The following LUZP2 variants were observed in gnomAD, a reference collection of about 807,000 sequenced individuals.
LUZP2 encodes leucine zipper protein 2.
In LUZP2, 52 loss-of-function variants were observed where a neutral mutation model predicts 51.6. The observed-to-expected ratio is 1.01, with a 90% CI of 0.81 to 1.27. LUZP2 has a LOEUF of 1.27. LUZP2 is among the 50% of genes most tolerant of loss of function. LUZP2 has a pLI of 0.00. For synonymous variants in LUZP2, 154 were observed against 137.3 expected, an observed-to-expected ratio of 1.12 and a Z score of -0.85; for missense variants, 436 against 395.4, an observed-to-expected ratio of 1.10 and a Z score of -0.87.
chr11:24,757,193 G>A (rs1467289169), intron 4 of LUZP2, among the ~76,000 whole-genome samples: 4 of 151,984 alleles, frequency 2.6e-5, no homozygotes, highest in Admixed American at 6.6e-5. Flanking sequence ...AGAAATCACC[G>A]ACAAACTGCC....
chr11:24,801,598 C>T (rs1448085144), intron 5 of LUZP2, among the ~76,000 whole-genome samples: 4 of 151,576 alleles, frequency 2.6e-5, no homozygotes, highest in Non-Finnish European at 5.9e-5. Context: ...ATCACAACTC[C>T]ATATTGCTTC....
chr11:24,755,909 C>A (rs1277334454), intron 4 of LUZP2, among the ~76,000 whole-genome samples: 1 of 152,076 alleles, frequency 6.6e-6, no homozygotes, highest in Non-Finnish European at 1.5e-5. Flanking sequence ...ATTAATGTAA[C>A]TCAATCTTTC....
chr11:25,024,692 A>C (rs1477994924), intron 9 of LUZP2, among the ~76,000 whole-genome samples: 2 of 152,254 alleles, frequency 1.3e-5, no homozygotes, highest in South Asian at 2.1e-4. Context: ...GATAGGAAGA[A>C]TCAATATTGC....
chr11:24,737,249 C>A (rs1858977220), intron 3 of LUZP2, among the ~76,000 whole-genome samples: 1 of 152,012 alleles, frequency 6.6e-6, no homozygotes, highest in Non-Finnish European at 1.5e-5. Context: ...TACCATTGTG[C>A]CCTTGTTTTT....
intron 1 of LUZP2, among the ~76,000 whole-genome samples, chr11:24,537,980 T>TA (rs1356565901): frequency 1.3e-5 from 2 of 150,766 alleles, no homozygotes; most frequent in East Asian, 3.9e-4. Flanking sequence ...TTAAGACTAA[T>TA]TACTTATAAT....
intron 9 of LUZP2, among the ~76,000 whole-genome samples, chr11:25,001,317 C>T (rs1856675446): frequency 6.6e-6 from 1 of 152,220 alleles, no homozygotes. Flanking sequence ...TTTCCTAACT[C>T]TGCTTTAGGA....
At chr11:24,936,819 A>G (rs1258994164) in intron 7 of LUZP2, among the ~76,000 whole-genome samples, 1 of 152,124 alleles carries the variant, frequency 6.6e-6, no homozygotes, top group Admixed American at 6.5e-5. Context: ...ACCAACACAT[A>G]TTTTTAATTT....
intron 1 of LUZP2, among the ~76,000 whole-genome samples, chr11:24,519,486 G>T (rs1850575540): frequency 6.6e-6 from 1 of 152,142 alleles, no homozygotes; most frequent in Admixed American, 6.5e-5. Context: ...AACAATTGAA[G>T]AAAATAAGTA....
Position 24,998,920 on chromosome 11 carries a change from G to A in LUZP2, c.765+15627G>A, listed in dbSNP as rs138549257. On this transcript the variant is annotated intron_variant, in intron 9 of 11. Transcript: ENST00000336930. Reference sequence around the variant, plus strand: ...TAAATTTTAAAACTATTTTAAAATAGTTTAAAATTTTAAAACTGTTTTTGT... The same window carrying A: ...TAAATTTTAAAACTATTTTAAAATAATTTAAAATTTTAAAACTGTTTTTGT... Among the ~76,000 whole-genome samples the A allele has an allele frequency of 2.0e-3, 311 of 152,072 alleles. 2 individuals carry two copies. Among genetic ancestry groups the A allele is most frequent in the African/African-American group, 6.8e-3 (281 of 41,504 alleles).
At chr11:24,712,691 A>T (rs1454466005) in intron 1 of LUZP2, among the ~76,000 whole-genome samples, 1 of 152,216 alleles carries the variant, frequency 6.6e-6, no homozygotes, top group Non-Finnish European at 1.5e-5. Flanking sequence ...GGCCATGGAC[A>T]GATTACCATA....
At chr11:24,935,019 C>A (rs1854550172) in intron 7 of LUZP2, among the ~76,000 whole-genome samples, 1 of 152,122 alleles carries the variant, frequency 6.6e-6, no homozygotes, top group Non-Finnish European at 1.5e-5. Context: ...TATATGTAAG[C>A]TAAATAATGT....
At chr11:24,829,084 G>A (rs17307187) in intron 5 of LUZP2, among the ~76,000 whole-genome samples, 20,958 of 152,156 alleles carry the variant, frequency 0.14, 1,520 homozygotes, top group South Asian at 0.19. Flanking sequence ...GAGAAGAAAA[G>A]CTCTGCTGCC....
intron 5 of LUZP2, among the ~76,000 whole-genome samples, chr11:24,802,176 A>G (rs549397633): frequency 6.6e-6 from 1 of 152,188 alleles, no homozygotes; most frequent in African/African-American, 2.4e-5. Context: ...TACAATATGC[A>G]GTCTATTATA....
chr11:24,570,538 T>C (rs1002215102), intron 1 of LUZP2, among the ~76,000 whole-genome samples: 5 of 152,056 alleles, frequency 3.3e-5, no homozygotes, highest in African/African-American at 1.2e-4. Context: ...TTGGGAAATT[T>C]ATTGAAGACT....
At chr11:24,820,008 G>C (rs1015665557) in intron 5 of LUZP2, among the ~76,000 whole-genome samples, 1 of 152,092 alleles carries the variant, frequency 6.6e-6, no homozygotes, top group African/African-American at 2.4e-5. Flanking sequence ...TGGCAGTTGA[G>C]AGTGACAGTG....
chr11:24,560,851 G>A (rs908744585), intron 1 of LUZP2, among the ~76,000 whole-genome samples: 2 of 152,188 alleles, frequency 1.3e-5, no homozygotes, highest in Admixed American at 6.5e-5. Flanking sequence ...GACATAGTTT[G>A]CAGATTAATT....
chr11:24,657,517 C>T (rs1855848807), intron 1 of LUZP2, among the ~76,000 whole-genome samples: 1 of 152,130 alleles, frequency 6.6e-6, no homozygotes, highest in South Asian at 2.1e-4. Context: ...AAAACTGGCA[C>T]AAGACAGGGA....
intron 1 of LUZP2, among the ~76,000 whole-genome samples, chr11:24,716,909 T>A (rs1858067510): frequency 6.6e-6 from 1 of 151,960 alleles, no homozygotes; most frequent in Non-Finnish European, 1.5e-5. Context: ...AAAATTTTTT[T>A]AATATAAAAT....
At chr11:24,543,536 G>A (rs192168754) in intron 1 of LUZP2, among the ~76,000 whole-genome samples, 189 of 152,094 alleles carry the variant, frequency 1.2e-3, no homozygotes, top group Non-Finnish European at 2.2e-3. Flanking sequence ...GTATTGCTAT[G>A]AGCGAGGAAA....
Sources: allele counts gnomAD v4.1 joint callset (sites outside exome capture counted in the v4.1 genomes callset), GRCh38; gene constraint gnomAD v4.1.1; transcripts MANE v1.5; gene names NCBI Gene and HGNC (gene_info 2026-07-23, HGNC 2026-07-21).